The following C8orf58 variants were observed in gnomAD, a reference collection of about 807,000 sequenced individuals.
C8orf58 encodes the protein chromosome 8 open reading frame 58, also known as uncharacterized protein C8orf58.
Under a neutral mutation model 36.8 loss-of-function variants are expected in C8orf58, and 31 were observed. That is an observed-to-expected ratio of 0.84 (90% confidence interval 0.63 to 1.14). C8orf58 has a LOEUF of 1.14. Among genes scored for constraint, C8orf58 ranks in the 50% most tolerant of loss-of-function variants. The pLI, the probability that C8orf58 is intolerant of heterozygous loss-of-function variation, is 0.00. For synonymous variants in C8orf58, 230 were observed against 200.2 expected (o/e 1.15, Z -1.26); for missense variants, 538 against 480.8 (o/e 1.12, Z -1.11).
chr8:22,600,829 T>A, intron 1 of C8orf58, 53 bp from the exon 2 acceptor site: 1 of 1,412,954 alleles, frequency 7.1e-7, no homozygotes, highest in Non-Finnish European at 9.7e-7. Flanking sequence ...CCTTCAGGAA[T>A]GCTGGGGGTG....
rs552783570 is a variant in C8orf58, at chr8:22,601,978, G to C, written c.664G>C (p.Gly222Arg). ...CTGTCTCTCCTGTGCATAGGATCCC[G>C]GCGAGGAGGAGTCGACCCGAGCCCC... is the stretch of plus-strand genomic sequence containing the variant. ...LRIQRPPGDP[G>R]EEESTRAPLP... Residue 222 changes from glycine to arginine, a missense_variant, in exon 4 of 7, where the codon GGC becomes CGC. By Grantham distance (125) the Gly-to-Arg change is moderately radical (BLOSUM62 -2). Coordinates refer to ENST00000289989, the MANE Select transcript of C8orf58 (RefSeq NM_001013842.3). 5.8e-6 allele frequency: 9 copies of C among 1,553,722 alleles called. No individual in the cohort carries two copies. In the South Asian group the frequency reaches 7.3e-5, roughly 13 times the overall value.
rs1181630587 is a variant in C8orf58 at position 22,603,383 on chromosome 8, G to C, written c.*77G>C. 9.7e-7 allele frequency: 1 copy of C among 1,029,816 alleles called. No homozygotes were observed. The highest frequency in any genetic ancestry group is 1.6e-5 in the African/African-American group (1 of 63,574). The allele number at this position is 1,029,816 out of a possible 1,614,324, so 63.8% of individuals were successfully genotyped here. A position where few individuals can be genotyped will look rare whatever the true frequency, so the allele number is the denominator to read the frequency against. On this transcript the variant is annotated 3_prime_UTR_variant, in exon 7 of 7. Transcript: ENST00000289989. ...CTTCCTCGCCCTCTGCCCTCTTGCTGCTTCTCCACATTGCCAGGAAAAGCT... is the reference window on the plus strand; with the variant it reads ...CTTCCTCGCCCTCTGCCCTCTTGCTCCTTCTCCACATTGCCAGGAAAAGCT...
chr8:22,603,735 G>T lies in C8orf58; in HGVS notation c.*429G>T, dbSNP rs1563896714. The T allele has an allele frequency of 3.2e-6, 1 of 310,104 alleles. No individual in the cohort carries two copies. Among genetic ancestry groups the T allele is most frequent in the Non-Finnish European group, 6.4e-6 (1 of 157,052 alleles). The allele number at this position is 310,104 out of a possible 1,614,324, so 19.2% of individuals were successfully genotyped here. On this transcript the variant is annotated 3_prime_UTR_variant, in exon 7 of 7. Coordinates refer to ENST00000289989, the MANE Select transcript of C8orf58 (RefSeq NM_001013842.3). ...TCTGAAATAATGCATCCAAAGGGTT[G>T]ATATTCTGGGGGAGGTCACTGCAGA... is the stretch of plus-strand genomic sequence containing the variant.
chr8:22,602,449 C>T, intron 5 of C8orf58, 88 bp from the exon 6 acceptor site: 2 of 1,365,226 alleles, frequency 1.5e-6, no homozygotes, highest in South Asian at 1.2e-5. Context: ...GGCGACTTGT[C>T]CTGGCTGTGG....
Position 22,601,039 on chromosome 8 carries a change from C to T in C8orf58, c.198C>T (p.Ser66=), listed in dbSNP as rs778735614. The T allele has an allele frequency of 5.0e-6, 8 of 1,612,820 alleles. No individual in the cohort carries two copies. In the South Asian group the frequency reaches 5.5e-5, roughly 11 times the overall value. Residue 66 remains serine, a synonymous_variant, in exon 2 of 7, where the codon TCC becomes TCT. Coordinates refer to ENST00000289989, the MANE Select transcript of C8orf58 (RefSeq NM_001013842.3). ...AGGCACTCTTTCTCAAACTGGCCTC[C>T]CGGGACTCAGGAGTGGAGATGGCAG... ...GREALFLKLA[S]RDSGVEMAVG...
At position 22,599,717 on chromosome 8, in the gene C8orf58, G is replaced by A. The variant is rs1467620875; in HGVS notation, c.-4G>A. The stretch of plus-strand genomic sequence containing the variant: ...TTGGCCGGGGCCGGGGCCGGGAGCG[G>A]GCCATGATGGGCCGGCGGCGCGCCT... On this transcript the variant is annotated 5_prime_UTR_variant, in exon 1 of 7. Transcript: ENST00000289989. 13 of 1,216,020 alleles carry A rather than the reference G, an allele frequency of 1.1e-5. No homozygotes were observed. Among genetic ancestry groups the A allele is most frequent in the Non-Finnish European group, 1.3e-5 (13 of 977,774 alleles). The allele number at this position is 1,216,020 out of a possible 1,614,324, so 75.3% of individuals were successfully genotyped here.
At position 22,601,997 on chromosome 8, in the gene C8orf58, G is replaced by A. The variant is rs754421055; in HGVS notation, c.683G>A (p.Arg228Gln). ...PGDPGEEEST[R>Q]APLPSPLHTP... The stretch of plus-strand genomic sequence containing the variant: ...GATCCCGGCGAGGAGGAGTCGACCC[G>A]AGCCCCTTTACCGTCCCCGTTACAC... The change falls in exon 4 of 7, where the codon CGA (arginine) becomes CAA (glutamine). Residue 228 changes from arginine (R) to glutamine (Q), a missense_variant. Physicochemically the swap from Arg to Gln is conservative, Grantham distance 43. Transcript: ENST00000289989. The A allele has an allele frequency of 1.4e-5, 22 of 1,562,578 alleles. No individual in the cohort carries two copies. Among genetic ancestry groups the A allele is most frequent in the South Asian group, 4.7e-5 (4 of 84,398 alleles).
intron 4 of C8orf58, 31 bp downstream of exon 4, chr8:22,602,111 G>A (rs1450304342): frequency 4.5e-6 from 7 of 1,550,930 alleles, no homozygotes; most frequent in Admixed American, 3.9e-5. Context: ...CCTTTGTCCT[G>A]CCTGCCTGGG....
rs1157886643 is a variant in C8orf58 at position 22,602,629 on chromosome 8, T to G, written c.972T>G (p.Asp324Glu). ...ACCCTGAGCCCCCTGCCCCTCCTGA[T>G]GGCTCTGACCCCAGGTGAGCCCCGT... ...HHHPEPPAPP[D>E]GSDPRIESRD... Residue 324 changes from aspartate to glutamate, a missense_variant, in exon 6 of 7, where the codon GAT becomes GAG. Physicochemically the swap from Asp to Glu is conservative, Grantham distance 45 (BLOSUM62 2). Transcript: ENST00000289989. 1 of 1,553,608 alleles carries G rather than the reference T, an allele frequency of 6.4e-7. No homozygotes were observed. Among genetic ancestry groups the G allele is most frequent in the Non-Finnish European group, 8.7e-7 (1 of 1,145,492 alleles).
intron 2 of C8orf58, 78 bp downstream of exon 2, chr8:22,601,435 T>A: frequency 8.2e-7 from 1 of 1,221,382 alleles, no homozygotes; most frequent in Non-Finnish European, 1.1e-6. Flanking sequence ...GAGCTCTCTC[T>A]GGGTGGGGCA....
At chr8:22,603,112 G>C in intron 6 of C8orf58, 83 bp from the exon 7 acceptor site, 1 of 1,082,442 alleles carries the variant, frequency 9.2e-7, no homozygotes, top group South Asian at 1.3e-5. Context: ...CCCACCAGCA[G>C]ATAAACCACG....
intron 6 of C8orf58, chr8:22,602,848 T>C (rs1800909557): frequency 2.4e-5 from 14 of 579,318 alleles, no homozygotes; most frequent in Non-Finnish European, 4.3e-5. Context: ...TAGTTGCTTT[T>C]CCAAAGCCGC....
chr8:22,601,549 C>T (rs1800857818), intron 2 of C8orf58, among the ~76,000 whole-genome samples, 163 bp from the exon 3 acceptor site: 1 of 152,210 alleles, frequency 6.6e-6, no homozygotes, highest in South Asian at 2.1e-4. Context: ...TACGGGGGCC[C>T]TTCCTGGCAC....
chr8:22,601,498 T>A (rs187409163), intron 2 of C8orf58, 141 bp downstream of exon 2: 1 of 923,588 alleles, frequency 1.1e-6, no homozygotes, highest in Admixed American at 2.9e-5. Flanking sequence ...GCACCCCAGT[T>A]CCATTTGTGC....
rs550984232 is a variant in C8orf58, at chr8:22,601,199, C to T, written c.358C>T (p.Arg120Trp). 6.2e-6 allele frequency: 10 copies of T among 1,607,496 alleles called. No individual in the cohort carries two copies. The highest frequency in any genetic ancestry group is 2.7e-5 in the African/African-American group (2 of 74,940). Residue 120 changes from arginine (R) to tryptophan (W), a missense_variant, in exon 2 of 7, where the codon CGG (arginine) becomes TGG (tryptophan). Physicochemically the swap from Arg to Trp is moderately radical, Grantham distance 101 (BLOSUM62 -3). Coordinates refer to ENST00000289989, the MANE Select transcript of C8orf58 (RefSeq NM_001013842.3). ...ASQKLGEVLE[R>W]SRRLPTAPTS... Reference sequence around the variant, plus strand: ...CCAGAAGCTGGGGGAGGTGTTGGAGCGGTCCCGCCGGCTCCCAACAGCTCC... The same window carrying T: ...CCAGAAGCTGGGGGAGGTGTTGGAGTGGTCCCGCCGGCTCCCAACAGCTCC...
chr8:22,603,143 T>G, intron 6 of C8orf58, 52 bp from the exon 7 acceptor site: 10 of 1,314,872 alleles, frequency 7.6e-6, no homozygotes, highest in Non-Finnish European at 1.1e-5. Flanking sequence ...TCTAGGGCCA[T>G]TGTTAGTTTT....
At chr8:22,602,678 A>G (rs1331522830) in intron 6 of C8orf58, 35 bp downstream of exon 6, 3 of 1,331,724 alleles carry the variant, frequency 2.3e-6, no homozygotes, top group Admixed American at 2.3e-5. Flanking sequence ...TAGGGCACGG[A>G]GAGGAGACTG....
At position 22,603,818 on chromosome 8, in the gene C8orf58, C is replaced by G. The variant is rs1800950915; in HGVS notation, c.*512C>G. On this transcript the variant is annotated 3_prime_UTR_variant, in exon 7 of 7. Transcript: ENST00000289989. Reference sequence around the variant, plus strand: ...AGTTACTGAGCTTTCCTCCTCAGAGCCATGCTGGCAGCCCTGGGACAGAGA... The same window carrying G: ...AGTTACTGAGCTTTCCTCCTCAGAGGCATGCTGGCAGCCCTGGGACAGAGA... 4.6e-6 allele frequency: 1 copy of G among 216,556 alleles called. No individual in the cohort carries two copies. Among genetic ancestry groups the G allele is most frequent in the South Asian group, 6.4e-5 (1 of 15,636 alleles). The allele number at this position is 216,556 out of a possible 1,614,324, so 13.4% of individuals were successfully genotyped here. A position where few individuals can be genotyped will look rare whatever the true frequency, so the allele number is the denominator to read the frequency against.
chr8:22,602,234 G>A lies in C8orf58; in HGVS notation c.801G>A (p.Val267=), dbSNP rs763672066. Residue 267 remains valine (V), a synonymous_variant, in exon 5 of 7, where the codon GTG becomes GTA. Coordinates refer to ENST00000289989, the MANE Select transcript of C8orf58 (RefSeq NM_001013842.3). ...CTGCTTCACCCCCAAAGGTGGAGGTGCCCAGTGCCAACCCTCCCAGGCTGC... is the reference window on the plus strand; with the variant it reads ...CTGCTTCACCCCCAAAGGTGGAGGTACCCAGTGCCAACCCTCCCAGGCTGC... ...AKAASPPKVE[V]PSANPPRLPE... is the part of the protein sequence containing the mutation. The A allele has an allele frequency of 1.9e-6, 3 of 1,606,972 alleles. No individual in the cohort carries two copies. Among genetic ancestry groups the A allele is most frequent in the African/African-American group, 1.3e-5 (1 of 74,986 alleles).
Sources: allele counts gnomAD v4.1 joint callset (sites outside exome capture counted in the v4.1 genomes callset), GRCh38; gene constraint gnomAD v4.1.1; transcripts MANE v1.5; gene names NCBI Gene and HGNC (gene_info 2026-07-23, HGNC 2026-07-21).